EPHA3: variants seen among roughly 807,000 people sequenced by gnomAD.
EPHA3 encodes the protein ephrin type-A receptor 3.
A neutral mutation model predicts 107.1 loss-of-function variants in EPHA3; 42 were observed. The ratio of observed to expected loss-of-function variants is 0.39; its 90% CI spans 0.31 to 0.51. EPHA3 has a LOEUF of 0.51. Among genes scored for constraint, EPHA3 ranks in the 20% least tolerant of loss-of-function variants. EPHA3 has a pLI of 0.78. For missense variants in EPHA3, 1,183 were observed against 1,211.2 expected (o/e 0.98, Z 0.35); for synonymous variants, 461 against 424.8 (o/e 1.09, Z -1.05).
At chr3:89,437,063 G>T (rs1302842281) in intron 13 of EPHA3, among the ~76,000 whole-genome samples, 1 of 152,066 alleles carries the variant, frequency 6.6e-6, no homozygotes, top group South Asian at 2.1e-4. Flanking sequence ...AATGAATAAG[G>T]CTATGAAGTT....
At chr3:89,396,047 A>G (rs1475611639) in intron 6 of EPHA3, 86 bp downstream of exon 6, 20 of 1,536,448 alleles carry the variant, frequency 1.3e-5, no homozygotes, top group Non-Finnish European at 1.7e-5. Flanking sequence ...AACCAGTGAC[A>G]TTCCTGGTAA....
intron 2 of EPHA3, among the ~76,000 whole-genome samples, chr3:89,141,050 C>G (rs1198062921): frequency 6.6e-6 from 1 of 151,534 alleles, no homozygotes; most frequent in Non-Finnish European, 1.5e-5. Context: ...CGAACAAATT[C>G]ACAAATCTAG....
chr3:89,179,666 G>C (rs1183823976), intron 2 of EPHA3, among the ~76,000 whole-genome samples: 1 of 52,172 alleles, frequency 1.9e-5, no homozygotes, highest in Non-Finnish European at 4.5e-5. Flanking sequence ...TTTAAAGTCT[G>C]TAAAAAAAAA....
chr3:89,130,394 A>G (rs1704180573), intron 2 of EPHA3, among the ~76,000 whole-genome samples: 1 of 152,230 alleles, frequency 6.6e-6, no homozygotes, highest in African/African-American at 2.4e-5. Context: ...GTTGAAATAT[A>G]AATTTTAAAA....
intron 2 of EPHA3, among the ~76,000 whole-genome samples, chr3:89,139,661 G>T (rs1404338535): frequency 2.0e-5 from 3 of 151,686 alleles, no homozygotes; most frequent in African/African-American, 4.8e-5. Flanking sequence ...GGCAGAAGCG[G>T]CAGCGACTAT....
intron 3 of EPHA3, among the ~76,000 whole-genome samples, chr3:89,230,341 G>A (rs1188251354): frequency 1.3e-5 from 2 of 152,034 alleles, no homozygotes; most frequent in Non-Finnish European, 2.9e-5. Context: ...AAAATTTCAC[G>A]TTGCCTAAAT....
intron 5 of EPHA3, among the ~76,000 whole-genome samples, chr3:89,380,087 C>T (rs1210630735): frequency 6.6e-6 from 1 of 152,018 alleles, no homozygotes; most frequent in Non-Finnish European, 1.5e-5. Flanking sequence ...TTTTCTGTTT[C>T]CACGCACATG....
intron 3 of EPHA3, among the ~76,000 whole-genome samples, chr3:89,246,977 T>C (rs1705048680): frequency 6.6e-6 from 1 of 152,194 alleles, no homozygotes; most frequent in African/African-American, 2.4e-5. Context: ...ATATAGCATG[T>C]AGCATGTAGT....
At chr3:89,245,777 T>C (rs1192320487) in intron 3 of EPHA3, among the ~76,000 whole-genome samples, 1 of 152,270 alleles carries the variant, frequency 6.6e-6, no homozygotes, top group African/African-American at 2.4e-5. Context: ...ATCAGAGTGC[T>C]AGCCCTGGCT....
rs749550571 is a variant in EPHA3 at position 89,149,811 on chromosome 3, G to T, written c.153+22538G>T. Reference sequence around the variant, plus strand: ...AATTAAGATTCTTTAAAAGCAAAAAGAATTCACTGGTGTGTGACTATGTGA... The same window carrying T: ...AATTAAGATTCTTTAAAAGCAAAAATAATTCACTGGTGTGTGACTATGTGA... On this transcript the variant is annotated intron_variant, in intron 2 of 16. Coordinates refer to ENST00000336596, the MANE Select transcript of EPHA3 (RefSeq NM_005233.6). Among the ~76,000 whole-genome samples, 7 of 152,006 alleles carry T rather than the reference G, an allele frequency of 4.6e-5. 1 individual carries two copies. The highest frequency in any genetic ancestry group is 4.2e-4 in the South Asian group (2 of 4,818).
At position 89,351,866 on chromosome 3, in the gene EPHA3, T is replaced by A. The variant is rs1415622320; in HGVS notation, c.1306+9776T>A. Among the ~76,000 whole-genome samples the A allele has an allele frequency of 6.1e-5, 9 of 147,854 alleles. 1 individual carries two copies. The South Asian group carries it at 8.5e-4, about 14-fold the overall frequency. ...TTTATAATAATAACATATACTGATA[T>A]AATATAGTTCCCATCCATAAAAATA... On this transcript the variant is annotated intron_variant, in intron 5 of 16. Transcript: ENST00000336596.
chr3:89,244,983 C>A (rs1337672954), intron 3 of EPHA3, among the ~76,000 whole-genome samples: 2 of 152,154 alleles, frequency 1.3e-5, no homozygotes, highest in African/African-American at 4.8e-5. Flanking sequence ...TCAGGTCAAT[C>A]TGAATTATTA....
chr3:89,298,810 A>C (rs1262829632), intron 3 of EPHA3, among the ~76,000 whole-genome samples: 3 of 152,148 alleles, frequency 2.0e-5, no homozygotes, highest in African/African-American at 7.2e-5. Context: ...AAAGTAATAT[A>C]TGATTAACTG....
At chr3:89,478,996 C>T (rs1232577497) in intron 16 of EPHA3, among the ~76,000 whole-genome samples, 1 of 152,164 alleles carries the variant, frequency 6.6e-6, no homozygotes, top group African/African-American at 2.4e-5. Flanking sequence ...GGCAACATAA[C>T]TCCAATCTCT....
chr3:89,150,434 G>A (rs1704666750), intron 2 of EPHA3, among the ~76,000 whole-genome samples: 1 of 151,920 alleles, frequency 6.6e-6, no homozygotes, highest in Non-Finnish European at 1.5e-5. Context: ...TGGAAAAAAA[G>A]ATAAATTTAA....
At chr3:89,429,776 G>GGCAATGGTGCAATGGT (rs202240466) in intron 12 of EPHA3, among the ~76,000 whole-genome samples, 3 of 150,352 alleles carry the variant, frequency 2.0e-5, no homozygotes, top group African/African-American at 5.0e-5. Context: ...TTGTTGCCCA[G>GGCAATGGTGCAATGGT]GCAATGGTGC....
intron 5 of EPHA3, among the ~76,000 whole-genome samples, chr3:89,380,061 T>A (rs1169168773): frequency 2.6e-5 from 4 of 152,216 alleles, no homozygotes; most frequent in African/African-American, 9.6e-5. Flanking sequence ...ATAGGCCATA[T>A]GTTAAGCAAT....
intron 13 of EPHA3, among the ~76,000 whole-genome samples, chr3:89,447,714 T>A (rs1459417115): frequency 6.6e-6 from 1 of 152,174 alleles, no homozygotes; most frequent in Non-Finnish European, 1.5e-5. Flanking sequence ...GAGTCCTTAC[T>A]ATGTCCTAGG....
intron 3 of EPHA3, among the ~76,000 whole-genome samples, chr3:89,219,716 T>G (rs1442688045): frequency 2.4e-5 from 1 of 42,290 alleles, no homozygotes; most frequent in African/African-American, 6.3e-5. Context: ...TTTTGTTTTT[T>G]TTTTTTTTTT....
Sources: allele counts gnomAD v4.1 joint callset (sites outside exome capture counted in the v4.1 genomes callset), GRCh38; gene constraint gnomAD v4.1.1; transcripts MANE v1.5; gene names NCBI Gene and HGNC (gene_info 2026-07-23, HGNC 2026-07-21).